CCNB1IP1: variants seen among roughly 807,000 people sequenced by gnomAD.
CCNB1IP1 encodes the protein cyclin B1 interacting protein 1.
Under a neutral mutation model 25.6 loss-of-function variants are expected in CCNB1IP1, and 14 were observed. The observed-to-expected ratio is 0.55, with a 90% CI of 0.36 to 0.85. The LOEUF is 0.85. Among genes scored for constraint, CCNB1IP1 ranks in the 40% least tolerant of loss-of-function variants. CCNB1IP1 has a pLI of 0.01. For synonymous variants in CCNB1IP1, 119 were observed against 116.1 expected (o/e 1.02, Z -0.16); for missense variants, 278 against 342.4 (o/e 0.81, Z 1.48).
intron 3 of CCNB1IP1, among the ~76,000 whole-genome samples, chr14:20,326,118 A>G (rs1883067914): frequency 6.6e-6 from 1 of 152,186 alleles, no homozygotes; most frequent in Non-Finnish European, 1.5e-5. Context: ...TGATTTAACC[A>G]ACTCTGTGTT....
chr14:20,330,212 T>C (rs1363660407), intron 1 of CCNB1IP1, among the ~76,000 whole-genome samples: 5 of 152,110 alleles, frequency 3.3e-5, no homozygotes, highest in Non-Finnish European at 5.9e-5. Context: ...AAACCAAGTA[T>C]TGCATGTTCT....
chr14:20,317,639 C>A (rs1236159609), intron 4 of CCNB1IP1: 1 of 152,242 alleles, frequency 6.6e-6, no homozygotes, highest in Admixed American at 6.5e-5. Flanking sequence ...AATTCCGAAT[C>A]TTCCACCAGC....
chr14:20,314,466 G>A (rs1882610428), intron 5 of CCNB1IP1: 1 of 152,108 alleles, frequency 6.6e-6, no homozygotes. Flanking sequence ...AACTCAAAAT[G>A]GTTCACAGAC....
At chr14:20,315,331 T>G (rs1882655955) in intron 5 of CCNB1IP1, among the ~76,000 whole-genome samples, 1 of 152,138 alleles carries the variant, frequency 6.6e-6, no homozygotes, top group African/African-American at 2.4e-5. Flanking sequence ...TCATTGCTGC[T>G]GGCAATATAA....
intron 4 of CCNB1IP1, among the ~76,000 whole-genome samples, chr14:20,323,897 G>A (rs1197033422): frequency 1.6e-5 from 2 of 124,374 alleles, no homozygotes; most frequent in South Asian, 5.2e-4. Context: ...CAGCCTGGGC[G>A]ACAGAGCGAG....
In CCNB1IP1 at chr14:20,311,544, C is replaced by G; in HGVS notation, c.*6G>C. On this transcript the variant is annotated 3_prime_UTR_variant, in exon 7 of 7. Coordinates refer to ENST00000358932, the MANE Select transcript of CCNB1IP1 (RefSeq NM_021178.5). ...GGGATCACAGGTGCGTGACACTATG[C>G]GTGGCTCAAATTCTTTTTACTTTGA... 1 of 1,610,972 alleles carries G rather than the reference C, an allele frequency of 6.2e-7. No individual in the cohort carries two copies. Among genetic ancestry groups the G allele is most frequent in the Non-Finnish European group, 8.5e-7 (1 of 1,178,620 alleles).
At chr14:20,332,218 C>T (rs1029849216) in intron 1 of CCNB1IP1, among the ~76,000 whole-genome samples, 9 of 151,232 alleles carry the variant, frequency 6.0e-5, no homozygotes, top group Admixed American at 1.3e-4. Context: ...TTTAACAATG[C>T]TTGAGAATTA....
At chr14:20,321,740 G>C (rs952601004) in intron 4 of CCNB1IP1, among the ~76,000 whole-genome samples, 4 of 152,086 alleles carry the variant, frequency 2.6e-5, no homozygotes, top group Non-Finnish European at 5.9e-5. Context: ...GCGTGATCAA[G>C]AATCTTAATT....
chr14:20,316,385 T>G lies in CCNB1IP1; in HGVS notation c.139A>C (p.Ile47Leu). ...AGGGTACTGTTGCAGGCAGGACAGA[T>G]AGCTGGTGAGCGACTAAACTCACCA... ...GSGEFSRSPAICPACNSTLSG... is the reference protein window; with the variant it reads ...GSGEFSRSPALCPACNSTLSG... Residue 47 changes from isoleucine to leucine, a missense_variant, in exon 5 of 7, where the codon ATC (isoleucine) becomes CTC (leucine). Physicochemically the swap from Ile to Leu is conservative, Grantham distance 5. Transcript: ENST00000358932. The G allele has an allele frequency of 6.2e-7, 1 of 1,613,996 alleles. No individual in the cohort carries two copies. Among genetic ancestry groups the G allele is most frequent in the Non-Finnish European group, 8.5e-7 (1 of 1,179,892 alleles).
At chr14:20,322,589 A>C (rs1292211713) in intron 4 of CCNB1IP1, among the ~76,000 whole-genome samples, 1 of 150,694 alleles carries the variant, frequency 6.6e-6, no homozygotes, top group African/African-American at 2.4e-5. Flanking sequence ...CTACCTTCAT[A>C]CTGCAAAGAA....
intron 4 of CCNB1IP1, among the ~76,000 whole-genome samples, chr14:20,317,387 G>C (rs969521736): frequency 6.6e-6 from 1 of 151,888 alleles, no homozygotes; most frequent in African/African-American, 2.4e-5. Context: ...GCCGGCGACG[G>C]ACTCCGTCCC....
chr14:20,317,647 A>C (rs1318571714), intron 4 of CCNB1IP1: 1 of 152,218 alleles, frequency 6.6e-6, no homozygotes, highest in African/African-American at 2.4e-5. Context: ...ATCTTCCACC[A>C]GCTGGGAGTA....
chr14:20,330,189 A>G (rs1883192724), intron 1 of CCNB1IP1, among the ~76,000 whole-genome samples: 1 of 151,760 alleles, frequency 6.6e-6, no homozygotes, highest in Admixed American at 6.6e-5. Flanking sequence ...AAACGAATTT[A>G]TGCAAAAACA....
At chr14:20,318,142 G>T in intron 4 of CCNB1IP1, 3 of 152,324 alleles carry the variant, frequency 2.0e-5, no homozygotes, top group Admixed American at 2.0e-4. Flanking sequence ...AATTTTCCTT[G>T]AGTCTGCATT....
chr14:20,311,572 G>A lies in CCNB1IP1; in HGVS notation c.812C>T (p.Ala271Val). ...GGCTCAAATTCTTTTTACTTTGAAG[G>A]CCCTGCTAGAAACTTGCTGCTGCTC... ...ELEQQQVSSR[A>V]FKVKRI Residue 271 changes from alanine (A) to valine (V), a missense_variant, in exon 7 of 7, where the codon GCC becomes GTC. Transcript: ENST00000358932. The A allele has an allele frequency of 6.2e-7, 1 of 1,613,434 alleles. No homozygotes were observed. Among genetic ancestry groups the A allele is most frequent in the East Asian group, 2.2e-5 (1 of 44,856 alleles).
At chr14:20,322,780 G>A (rs1434928988) in intron 4 of CCNB1IP1, among the ~76,000 whole-genome samples, 1 of 151,870 alleles carries the variant, frequency 6.6e-6, no homozygotes, top group African/African-American at 2.4e-5. Flanking sequence ...ACACCACCAT[G>A]CCCAACTAAT....
intron 4 of CCNB1IP1, 45 bp from the exon 5 acceptor site, chr14:20,316,605 GAAAAT>G (rs748911982): frequency 1.8e-6 from 2 of 1,081,934 alleles, no homozygotes; most frequent in South Asian, 1.6e-5. Context: ...AAATTGCAAT[GAAAAT>G]AAAAGTAAAA....
intron 3 of CCNB1IP1, chr14:20,326,445 G>A: frequency 1.9e-6 from 1 of 533,090 alleles, no homozygotes; most frequent in South Asian, 1.4e-5. Flanking sequence ...TTTGCCCCTA[G>A]CTTTAGTCTG....
At chr14:20,322,617 A>G (rs915021662) in intron 4 of CCNB1IP1, among the ~76,000 whole-genome samples, 1 of 143,218 alleles carries the variant, frequency 7.0e-6, no homozygotes, top group Non-Finnish European at 1.5e-5. Context: ...ATATATATAT[A>G]TATAATTTTT....
Sources: gnomAD v4.1 joint callset for allele counts (sites outside exome capture counted in the v4.1 genomes callset) on GRCh38, gnomAD v4.1.1 for gene constraint, MANE v1.5 for transcripts, NCBI Gene and HGNC (gene_info 2026-07-23, HGNC 2026-07-21) for gene names.